Variants in ADAMTS6 observed in about 807,000 individuals in gnomAD.
ADAMTS6 encodes A disintegrin and metalloproteinase with thrombospondin motifs 6.
ADAMTS6 carries 23 observed loss-of-function variants against 144.3 expected under a neutral mutation model. The ratio of observed to expected loss-of-function variants is 0.16; its 90% confidence interval spans 0.11 to 0.23. The LOEUF (loss-of-function observed/expected upper bound fraction) is 0.23, where lower values mean the gene tolerates loss of function less well. Among genes scored for constraint, ADAMTS6 ranks in the 10% least tolerant of loss-of-function variants. The probability of loss-of-function intolerance (pLI) is 1.00; values close to 1 mark genes in which losing one functional copy is unlikely to be tolerated. For missense variants in ADAMTS6, 999 were observed against 1,379.6 expected, an observed-to-expected ratio of 0.72 and a Z score of 4.37; for synonymous variants, 444 against 457.5, an observed-to-expected ratio of 0.97 and a Z score of 0.38.
chr5:65,351,893 AC>A (rs1436004358), intron 7 of ADAMTS6, among the ~76,000 whole-genome samples: 1 of 152,242 alleles, frequency 6.6e-6, no homozygotes, highest in African/African-American at 2.4e-5. Flanking sequence ...AGAAACTTTG[AC>A]ACATAAATCA....
rs539495559 is a variant in ADAMTS6 at position 65,469,425 on chromosome 5, G to A, written c.462+1353C>T. The stretch of plus-strand genomic sequence containing the variant: ...GTTAATGCCAAACATAAATAACCTA[G>A]TCAATAACTAGGAATAGTATTTTTC... On this transcript the variant is annotated intron_variant, in intron 3 of 24. Transcript: ENST00000381055. 1.5e-3 allele frequency among the ~76,000 whole-genome samples: 234 copies of A among 152,244 alleles called. 8 individuals carry two copies. The South Asian group carries it at 0.046, about 30-fold the overall frequency.
chr5:65,224,888 C>T, intron 17 of ADAMTS6, 36 bp downstream of exon 17: 1 of 1,586,726 alleles, frequency 6.3e-7, no homozygotes, highest in South Asian at 1.2e-5. Flanking sequence ...CCAAGTACAC[C>T]AGAGGTGTGA....
intron 14 of ADAMTS6, among the ~76,000 whole-genome samples, chr5:65,247,472 T>C (rs187708796): frequency 6.6e-6 from 1 of 152,300 alleles, no homozygotes; most frequent in East Asian, 1.9e-4. Flanking sequence ...TCCCAAAGAA[T>C]AGGGTGACGT....
At chr5:65,448,139 T>G (rs1011794246) in intron 7 of ADAMTS6, among the ~76,000 whole-genome samples, 1 of 150,928 alleles carries the variant, frequency 6.6e-6, no homozygotes, top group Non-Finnish European at 1.5e-5. Flanking sequence ...GTATAATATA[T>G]ATAAATAATT....
intron 11 of ADAMTS6, among the ~76,000 whole-genome samples, chr5:65,274,887 G>A (rs562278475): frequency 6.6e-6 from 1 of 152,232 alleles, no homozygotes; most frequent in South Asian, 2.1e-4. Context: ...GTTTCACGAT[G>A]TTGGCCAGGC....
At chr5:65,328,584 T>C (rs1176062942) in intron 9 of ADAMTS6, among the ~76,000 whole-genome samples, 1 of 152,068 alleles carries the variant, frequency 6.6e-6, no homozygotes, top group Non-Finnish European at 1.5e-5. Context: ...GTTTAGTTTT[T>C]ACCTTTATAA....
chr5:65,404,551 G>A (rs943214373), intron 7 of ADAMTS6, among the ~76,000 whole-genome samples: 1 of 152,162 alleles, frequency 6.6e-6, no homozygotes, highest in Non-Finnish European at 1.5e-5. Flanking sequence ...ATCATTGATG[G>A]ACATTTGGGT....
chr5:65,208,795 T>C (rs62369570), intron 20 of ADAMTS6, among the ~76,000 whole-genome samples: 4 of 152,212 alleles, frequency 2.6e-5, no homozygotes, highest in East Asian at 1.9e-4. Context: ...GTTACAACTA[T>C]AATATAGATT....
chr5:65,354,355 A>G (rs1223352916), intron 7 of ADAMTS6, among the ~76,000 whole-genome samples: 3 of 151,730 alleles, frequency 2.0e-5, no homozygotes, highest in Admixed American at 2.0e-4. Flanking sequence ...TTATCTATAA[A>G]ATGGGGAAAA....
intron 11 of ADAMTS6, among the ~76,000 whole-genome samples, chr5:65,276,474 T>C (rs1488389441): frequency 6.6e-6 from 1 of 152,186 alleles, no homozygotes; most frequent in Non-Finnish European, 1.5e-5. Flanking sequence ...TTCGGAATGT[T>C]TCCCAAGACT....
chr5:65,246,818 A>T (rs1455580883), intron 14 of ADAMTS6, among the ~76,000 whole-genome samples: 1 of 152,150 alleles, frequency 6.6e-6, no homozygotes, highest in Non-Finnish European at 1.5e-5. Flanking sequence ...ATTTCATTCC[A>T]TCAGGGAATG....
intron 20 of ADAMTS6, chr5:65,198,394 T>C (rs2112233384): frequency 6.0e-6 from 1 of 165,506 alleles, no homozygotes; most frequent in South Asian, 2.1e-4. Context: ...ATTAGGGAAA[T>C]ATATGTGAAA....
chr5:65,176,381 G>A (rs1008972502), intron 22 of ADAMTS6, among the ~76,000 whole-genome samples: 31 of 152,146 alleles, frequency 2.0e-4, no homozygotes, highest in African/African-American at 7.5e-4. Context: ...GTTGTATAAG[G>A]AAAGTAAAAT....
rs972948708 is a variant in ADAMTS6, at chr5:65,291,846, T to TA, written c.1371-377dup. On this transcript the variant is annotated intron_variant, in intron 10 of 24. Coordinates refer to ENST00000381055, the MANE Select transcript of ADAMTS6 (RefSeq NM_197941.4). ...ATTAAAAACATGAAATGCAGAAAAT[T>TA]AAAAAAAAAATAATTATGGTTATAA... Among the ~76,000 whole-genome samples, 209 of 149,760 alleles carry TA rather than the reference T, an allele frequency of 1.4e-3. No homozygotes were observed. In the Middle Eastern group the frequency reaches 0.017, roughly 12 times the overall value.
intron 14 of ADAMTS6, among the ~76,000 whole-genome samples, chr5:65,259,607 C>T (rs1316662949): frequency 1.3e-5 from 2 of 151,976 alleles, no homozygotes; most frequent in Non-Finnish European, 2.9e-5. Flanking sequence ...AAGGCAAAAA[C>T]CTGATAGGAG....
intron 14 of ADAMTS6, among the ~76,000 whole-genome samples, chr5:65,246,274 T>C (rs1759625967): frequency 6.6e-6 from 1 of 152,202 alleles, no homozygotes. Flanking sequence ...TGGACCTTGA[T>C]GGCTTTCCTA....
intron 7 of ADAMTS6, among the ~76,000 whole-genome samples, chr5:65,430,270 A>C (rs1756891196): frequency 6.6e-6 from 1 of 151,832 alleles, no homozygotes; most frequent in South Asian, 2.1e-4. Flanking sequence ...AAGACTTGGT[A>C]CCCCTACAAA....
chr5:65,478,376 A>G (rs1025284325), intron 1 of ADAMTS6, among the ~76,000 whole-genome samples: 1 of 152,224 alleles, frequency 6.6e-6, no homozygotes, highest in Non-Finnish European at 1.5e-5. Context: ...GACCTTTTAA[A>G]TTGTATAGCA....
At chr5:65,309,105 C>G (rs1394447550) in intron 9 of ADAMTS6, among the ~76,000 whole-genome samples, 1 of 150,884 alleles carries the variant, frequency 6.6e-6, no homozygotes, top group East Asian at 1.9e-4. Flanking sequence ...TTCCACAGAC[C>G]AGGGTGGGGT....
Sources: allele counts gnomAD v4.1 joint callset (sites outside exome capture counted in the v4.1 genomes callset), GRCh38; gene constraint gnomAD v4.1.1; transcripts MANE v1.5; gene names NCBI Gene and HGNC (gene_info 2026-07-23, HGNC 2026-07-21).